Variants in TRPM2 observed in about 807,000 individuals in gnomAD.
The protein encoded by TRPM2 is transient receptor potential cation channel subfamily M member 2, also known as estrogen-responsive element-associated gene 1 protein.
TRPM2 carries 161 observed loss-of-function variants against 174.0 expected under a neutral mutation model. The observed-to-expected ratio is 0.93, with a 90% CI of 0.81 to 1.05. The LOEUF (loss-of-function observed/expected upper bound fraction) is 1.05. Ranked by LOEUF, TRPM2 falls within the 50% of genes least tolerant of loss-of-function variation. The probability of loss-of-function intolerance (pLI) is 0.00; values close to 1 mark genes in which losing one functional copy is unlikely to be tolerated. For missense variants in TRPM2, 2,057 were observed against 2,038.0 expected (o/e 1.01, Z -0.18); for synonymous variants, 954 against 861.3 (o/e 1.11, Z -1.88).
rs1466937886 is a variant in TRPM2, at chr21:44,407,677, A to C, written c.2962+912A>C. On this transcript the variant is annotated intron_variant, in intron 19 of 31. Coordinates refer to ENST00000397928, the MANE Select transcript of TRPM2 (RefSeq NM_003307.4). ...CTGCCTTTTCTGGGCGTTTCATAGAAACTGGATGATGTAATAGGCAGTCTT... is the reference window on the plus strand; with the variant it reads ...CTGCCTTTTCTGGGCGTTTCATAGACACTGGATGATGTAATAGGCAGTCTT... Among the ~76,000 whole-genome samples, 7 of 151,600 alleles carry C rather than the reference A, an allele frequency of 4.6e-5. No homozygotes were observed. In the Admixed American group the frequency reaches 4.6e-4, roughly 10 times the overall value.
At chr21:44,423,396 C>T (rs980500556) in intron 22 of TRPM2, 4 of 500,004 alleles carry the variant, frequency 8.0e-6, no homozygotes, top group East Asian at 7.1e-5. Context: ...CTCCTGGGAC[C>T]GACAGGCTGC....
At chr21:44,440,676 T>C (rs1322845273) in intron 30 of TRPM2, 113 bp from the exon 31 acceptor site, 4 of 895,278 alleles carry the variant, frequency 4.5e-6, no homozygotes, top group African/African-American at 1.6e-5. Flanking sequence ...GCCGGGGTCC[T>C]GTGTGTGCTG....
In TRPM2 at chr21:44,376,127, A is replaced by G. The variant is rs548976992; in HGVS notation, c.952+114A>G. On this transcript the variant is annotated intron_variant, in intron 6 of 31. Transcript: ENST00000397928. This position sits in a 1 kb window ranked among gnomAD's most constrained non-coding sequence, Gnocchi z 4.2. Reference sequence around the variant, plus strand: ...TCAACAGGCCTGGCGTTTGGCAGAGAGTGCAGTGGGCTGGTCAGAGTGTCA... The same window carrying G: ...TCAACAGGCCTGGCGTTTGGCAGAGGGTGCAGTGGGCTGGTCAGAGTGTCA... The G allele has an allele frequency of 1.9e-5, 25 of 1,289,930 alleles. No individual in the cohort carries two copies. The African/African-American group carries it at 3.3e-4, about 17-fold the overall frequency. The allele number at this position is 1,289,930 out of a possible 1,614,324, so 79.9% of individuals were successfully genotyped here. A position where few individuals can be genotyped will look rare whatever the true frequency, so the allele number is the denominator to read the frequency against.
Position 44,405,220 on chromosome 21 carries a change from G to T in TRPM2, c.2617G>T (p.Val873Phe). 6.2e-7 allele frequency: 1 copy of T among 1,613,406 alleles called. No homozygotes were observed. The highest frequency in any genetic ancestry group is 8.5e-7 in the Non-Finnish European group (1 of 1,179,958). Reference protein sequence around the residue: ...YFSDFWNKLDVGAILLFVAGL... With the variant: ...YFSDFWNKLDFGAILLFVAGL... ...CAGTGACTTCTGGAATAAGCTGGAC[G>T]TCGGCGCAATCTTGCTCTTCGTGGC... Residue 873 changes from valine to phenylalanine, a missense_variant, in exon 17 of 32, where the codon GTC becomes TTC. Transcript: ENST00000397928.
At position 44,364,114 on chromosome 21, in the gene TRPM2, G is replaced by A. The variant is rs267606155; in HGVS notation, c.255G>A (p.Gly85=). The change falls in exon 3 of 32, where the codon GGG becomes GGA. Residue 85 remains glycine, a splice_region_variant and synonymous_variant. Transcript: ENST00000397928. ...FVESSKLSDA[G]KVVCQCGYTH... is the part of the protein sequence containing the mutation. The stretch of plus-strand genomic sequence containing the variant: ...GGTGACTGGTGCTGTGTCTTTGCAG[G>A]AAGGTGGTGTGTCAGTGTGGCTACA... The A allele has an allele frequency of 3.1e-6, 5 of 1,613,294 alleles. No individual in the cohort carries two copies. The highest frequency in any genetic ancestry group is 4.2e-6 in the Non-Finnish European group (5 of 1,179,636).
At chr21:44,379,260 G>A (rs2048803995) in intron 8 of TRPM2, 63 bp downstream of exon 8, 3 of 1,571,680 alleles carry the variant, frequency 1.9e-6, no homozygotes, top group Non-Finnish European at 2.6e-6. Context: ...CTGTCAGCCT[G>A]GTGGGCAGGA....
At position 44,414,131 on chromosome 21, in the gene TRPM2, C is replaced by T. The variant is rs558319615; in HGVS notation, c.3146+57C>T. 172 of 1,575,294 alleles carry T rather than the reference C, an allele frequency of 1.1e-4. No homozygotes were observed. In the East Asian group the frequency reaches 1.7e-3, roughly 15 times the overall value. On this transcript the variant is annotated intron_variant, in intron 20 of 31. Transcript: ENST00000397928. ...GGGTGGGTGGGCGGCGTTCCTGGGCCGCAGTGGCCATGCTGTCTCCAGGGT... is the reference window on the plus strand; with the variant it reads ...GGGTGGGTGGGCGGCGTTCCTGGGCTGCAGTGGCCATGCTGTCTCCAGGGT...
At chr21:44,406,805 G>C in intron 19 of TRPM2, 40 bp downstream of exon 19, 1 of 1,566,552 alleles carries the variant, frequency 6.4e-7, no homozygotes, top group South Asian at 1.2e-5. Flanking sequence ...TGGTGCTGCC[G>C]GGAAGCAGGA....
intron 16 of TRPM2, among the ~76,000 whole-genome samples, chr21:44,403,694 C>T (rs796951258): frequency 5.3e-5 from 8 of 149,612 alleles, no homozygotes; most frequent in African/African-American, 1.7e-4. Context: ...TACATGCACA[C>T]ATATACACAT....
chr21:44,367,854 C>T lies in TRPM2; in HGVS notation c.604+920C>T, dbSNP rs1237699784. ...ATCTTTTGACCTGTGAGTCCCACAG[C>T]CCTGCTTGTAAAATGACCAGACCTT... is the stretch of plus-strand genomic sequence containing the variant. On this transcript the variant is annotated intron_variant, in intron 4 of 31. Coordinates refer to ENST00000397928, the MANE Select transcript of TRPM2 (RefSeq NM_003307.4). This position sits in a 1 kb window ranked among gnomAD's most constrained non-coding sequence, Gnocchi z 4.6. 1.3e-5 allele frequency among the ~76,000 whole-genome samples: 2 copies of T among 152,022 alleles called. No homozygotes were observed. Among genetic ancestry groups the T allele is most frequent in the African/African-American group, 4.8e-5 (2 of 41,290 alleles).
At position 44,427,080 on chromosome 21, in the gene TRPM2, G is replaced by C. The variant is rs763895742; in HGVS notation, c.3943G>C (p.Gly1315Arg). The change falls in exon 27 of 32, where the codon GGG becomes CGG. Residue 1315 changes from glycine (G) to arginine (R), a missense_variant. Coordinates refer to ENST00000397928, the MANE Select transcript of TRPM2 (RefSeq NM_003307.4). ...CCTGAGGGACCGCCGGAGCTTCCAC[G>C]GGCCGTACACAGTGCAGGCCGGGTT... The part of the protein sequence containing the change: ...DGLRDRRSFH[G>R]PYTVQAGLPL... 3.1e-6 allele frequency: 5 copies of C among 1,604,950 alleles called. No homozygotes were observed. Among genetic ancestry groups the C allele is most frequent in the Non-Finnish European group, 4.2e-6 (5 of 1,176,486 alleles).
intron 12 of TRPM2, among the ~76,000 whole-genome samples, chr21:44,396,062 GCT>G (rs2049370110): frequency 2.9e-5 from 1 of 34,856 alleles, no homozygotes; most frequent in African/African-American, 1.5e-4. Context: ...GGTGTGGAGG[GCT>G]GTGGAGGGAT....
chr21:44,369,205 C>T lies in TRPM2; in HGVS notation c.633C>T (p.His211=), dbSNP rs770668679. 1.2e-6 allele frequency: 2 copies of T among 1,612,476 alleles called. No individual in the cohort carries two copies. The highest frequency in any genetic ancestry group is 4.5e-5 in the East Asian group (2 of 44,838). Reference sequence around the variant, plus strand: ...CCTGGATCATCACAGGGGGGTCCCACACCGGCGTCATGAAGCAGGTAGGCG... The same window carrying T: ...CCTGGATCATCACAGGGGGGTCCCATACCGGCGTCATGAAGCAGGTAGGCG... ...TGAWIITGGS[H]TGVMKQVGEA... Residue 211 remains histidine, a synonymous_variant, in exon 5 of 32, where the codon CAC becomes CAT. Coordinates refer to ENST00000397928, the MANE Select transcript of TRPM2 (RefSeq NM_003307.4).
intron 16 of TRPM2, 43 bp from the exon 17 acceptor site, chr21:44,405,095 TAAGA>T: frequency 6.2e-7 from 1 of 1,607,996 alleles, no homozygotes; most frequent in East Asian, 2.2e-5. Context: ...GTGAGGATAG[TAAGA>T]GTGACAACCT....
chr21:44,421,929 G>C (rs577581640), intron 22 of TRPM2, among the ~76,000 whole-genome samples: 1 of 152,138 alleles, frequency 6.6e-6, no homozygotes, highest in Non-Finnish European at 1.5e-5. Context: ...ATGCATATTT[G>C]TATGTGAGTA....
chr21:44,394,168 C>T (rs45619336), intron 11 of TRPM2, among the ~76,000 whole-genome samples: 7,729 of 152,016 alleles, frequency 0.051, 311 homozygotes, highest in Middle Eastern at 0.11. Context: ...CGTGCCAGGC[C>T]GGGTATGGCT....
Position 44,417,959 on chromosome 21 carries a change from AC to A in TRPM2, c.3181del (p.Gln1061ArgfsTer10). 6.2e-7 allele frequency: 1 copy of A among 1,612,818 alleles called. No homozygotes were observed. The highest frequency in any genetic ancestry group is 8.5e-7 in the Non-Finnish European group (1 of 1,179,970). On this transcript the variant is annotated frameshift_variant, in exon 21 of 32. Coordinates refer to ENST00000397928, the MANE Select transcript of TRPM2 (RefSeq NM_003307.4). LOFTEE classifies it high-confidence loss of function. The part of the protein sequence containing the change: ...YTFQQVQEHT[D>X]QIWKFQRHDL... The stretch of plus-strand genomic sequence containing the variant: ...TTCCAGCAGGTGCAGGAGCACACGG[AC>A]CAGATTTGGAAGTTCCAGCGCCATG...
chr21:44,357,943 C>A (rs1328890112), intron 2 of TRPM2, among the ~76,000 whole-genome samples: 1 of 152,196 alleles, frequency 6.6e-6, no homozygotes, highest in African/African-American at 2.4e-5. Flanking sequence ...GCTGTTCCTT[C>A]CTGAGGAGTG....
intron 8 of TRPM2, among the ~76,000 whole-genome samples, chr21:44,379,822 C>G (rs1477110545): frequency 6.6e-6 from 1 of 152,220 alleles, no homozygotes; most frequent in Admixed American, 6.5e-5. Flanking sequence ...TCCAGGGTGA[C>G]CTGACTCAAT....
Sources: gnomAD v4.1 joint callset for allele counts (sites outside exome capture counted in the v4.1 genomes callset) on GRCh38, gnomAD v4.1.1 for gene constraint, Gnocchi (gnomAD v3.1) non-coding constraint, MANE v1.5 for transcripts, NCBI Gene and HGNC (gene_info 2026-07-23, HGNC 2026-07-21) for gene names.